SLC26A3: variants seen among roughly 807,000 people sequenced by gnomAD.
SLC26A3 encodes solute carrier family 26 member 3, also known as chloride anion exchanger.
A neutral mutation model predicts 85.6 loss-of-function variants in SLC26A3; 64 were observed. That is an observed-to-expected ratio of 0.75 (90% CI 0.61 to 0.92). SLC26A3 has a LOEUF of 0.92. SLC26A3 is among the 40% of genes least tolerant of loss of function. SLC26A3 has a pLI of 0.00. For missense variants in SLC26A3, 922 were observed against 927.3 expected, an observed-to-expected ratio of 0.99 and a Z score of 0.07; for synonymous variants, 349 against 336.0, an observed-to-expected ratio of 1.04 and a Z score of -0.42.
intron 5 of SLC26A3, among the ~76,000 whole-genome samples, chr7:107,789,942 A>G (rs925413643): frequency 6.6e-6 from 1 of 152,132 alleles, no homozygotes; most frequent in African/African-American, 2.4e-5. Context: ...TTTGCCCCCA[A>G]GAAGTAACAG....
chr7:107,765,878 C>G lies in SLC26A3; in HGVS notation c.2272G>C (p.Val758Leu). The G allele has an allele frequency of 2.5e-6, 4 of 1,610,528 alleles. No homozygotes were observed. Among genetic ancestry groups the G allele is most frequent in the African/African-American group, 1.3e-5 (1 of 74,832 alleles). The change falls in exon 21 of 21, where the codon GTG (valine) becomes CTG (leucine). Residue 758 changes from valine (V) to leucine (L), a missense_variant and splice_region_variant. Val to Leu is a conservative substitution (Grantham distance 32). Coordinates refer to ENST00000340010, the MANE Select transcript of SLC26A3 (RefSeq NM_000111.3). ...NGGLRNRVYE[V>L]PVETKF The stretch of plus-strand genomic sequence containing the variant: ...GATTAGAATTTTGTTTCAACTGGCA[C>G]CTGGAAGAAGACAGAAAGTTCTTGT...
rs150361087 is a variant in SLC26A3, at chr7:107,787,230, A to C, written c.888+127T>G. 542 of 940,054 alleles carry C rather than the reference A, an allele frequency of 5.8e-4. 3 individuals carry two copies. The African/African-American group carries it at 8.0e-3, about 14-fold the overall frequency. 58.2% of individuals were successfully genotyped at this position (940,054 alleles called of 1,614,324 possible). On this transcript the variant is annotated intron_variant, in intron 7 of 20. Coordinates refer to ENST00000340010, the MANE Select transcript of SLC26A3 (RefSeq NM_000111.3). ...CTGAATGAAAATAAAACCATGCTAA[A>C]CATTATGCCCGAAAACTGCAGAGAT...
chr7:107,767,044 G>C (rs1169235289), intron 20 of SLC26A3, among the ~76,000 whole-genome samples: 5 of 152,276 alleles, frequency 3.3e-5, no homozygotes, highest in Non-Finnish European at 1.5e-5. Context: ...TTAAAGGACT[G>C]AATGTTCTAG....
intron 1 of SLC26A3, among the ~76,000 whole-genome samples, chr7:107,802,742 C>CTTT (rs35087147): frequency 6.0e-4 from 66 of 110,750 alleles, no homozygotes; most frequent in African/African-American, 1.6e-3. Context: ...TTAAAGCTTG[C>CTTT]TTTTTTTTTT....
At chr7:107,787,891 C>G (rs1295024940) in intron 6 of SLC26A3, among the ~76,000 whole-genome samples, 1 of 152,218 alleles carries the variant, frequency 6.6e-6, no homozygotes, top group East Asian at 1.9e-4. Context: ...CAGGGAATAA[C>G]TTCTGATCTT....
Position 107,778,214 on chromosome 7 carries a change from A to C in SLC26A3, c.1475T>G (p.Val492Gly). The change falls in exon 13 of 21, where the codon GTG (valine) becomes GGG (glycine). Residue 492 changes from valine (V) to glycine (G), a missense_variant. Coordinates refer to ENST00000340010, the MANE Select transcript of SLC26A3 (RefSeq NM_000111.3). ...LGLGLGLAAS[V>G]AFQLLTIVFR... ...CACGATGGTTAGCAGTTGAAATGCCACACTAGCTGCCAGGCCTAACCCGAG... is the reference window on the plus strand; with the variant it reads ...CACGATGGTTAGCAGTTGAAATGCCCCACTAGCTGCCAGGCCTAACCCGAG... The C allele has an allele frequency of 6.2e-7, 1 of 1,613,968 alleles. No individual in the cohort carries two copies. The highest frequency in any genetic ancestry group is 8.5e-7 in the Non-Finnish European group (1 of 1,179,890).
chr7:107,802,918 A>C (rs971588365), intron 1 of SLC26A3, among the ~76,000 whole-genome samples, 193 bp downstream of exon 1: 29 of 152,276 alleles, frequency 1.9e-4, no homozygotes, highest in South Asian at 1.0e-3. Flanking sequence ...AAGTCTACTT[A>C]AATATTTATT....
chr7:107,771,854 A>G (rs145526852), intron 18 of SLC26A3, among the ~76,000 whole-genome samples, 200 bp downstream of exon 18: 43 of 152,364 alleles, frequency 2.8e-4, no homozygotes, highest in Non-Finnish European at 5.1e-4. Flanking sequence ...TTCAAATTGT[A>G]GAATGTATTT....
Position 107,765,636 on chromosome 7 carries a change from CT to C in SLC26A3, c.*218del. ...ATGTATGAACAAAATAATTTTCACC[CT>C]TTGATAAAGCTACAAGATATAAAAT... On this transcript the variant is annotated 3_prime_UTR_variant, in exon 21 of 21. Coordinates refer to ENST00000340010, the MANE Select transcript of SLC26A3 (RefSeq NM_000111.3). 1 of 500,532 alleles carries C rather than the reference CT, an allele frequency of 2.0e-6. No individual in the cohort carries two copies. Among genetic ancestry groups the C allele is most frequent in the Non-Finnish European group, 3.5e-6 (1 of 281,872 alleles). 31.0% of individuals were successfully genotyped at this position (500,532 alleles called of 1,614,324 possible).
intron 18 of SLC26A3, among the ~76,000 whole-genome samples, chr7:107,769,407 A>T (rs1467283863): frequency 4.0e-5 from 6 of 148,544 alleles, no homozygotes; most frequent in Admixed American, 6.6e-5. Context: ...TAAAAAAATT[A>T]AAAAAAAACA....
At chr7:107,794,812 G>T (rs758883199) in intron 1 of SLC26A3, among the ~76,000 whole-genome samples, 13 of 152,042 alleles carry the variant, frequency 8.6e-5, no homozygotes. Flanking sequence ...TTTTTAATTT[G>T]CCAAAAAGTA....
chr7:107,775,688 T>C (rs1794101006), intron 15 of SLC26A3, among the ~76,000 whole-genome samples: 1 of 151,742 alleles, frequency 6.6e-6, no homozygotes, highest in African/African-American at 2.4e-5. Context: ...GCTGTGATCA[T>C]GCCAGCCTGG....
At chr7:107,775,986 T>G in intron 15 of SLC26A3, 1 of 221,710 alleles carries the variant, frequency 4.5e-6, no homozygotes, top group Non-Finnish European at 9.0e-6. Flanking sequence ...CAAGACTGCT[T>G]CCTTGTCATC....
Position 107,779,750 on chromosome 7 carries a change from G to T in SLC26A3, c.1325C>A (p.Ala442Asp), listed in dbSNP as rs1401106853. 1 of 1,613,880 alleles carries T rather than the reference G, an allele frequency of 6.2e-7. No homozygotes were observed. Among genetic ancestry groups the T allele is most frequent in the Admixed American group, 1.7e-5 (1 of 60,016 alleles). ...TCCCTTTAAGTTTCCCAATGCTAAA[G>T]CTGCCAGGACGGACTGTGAAAAACA... ...LAPLQKSVLAALALGNLKGML... is the reference protein window; with the variant it reads ...LAPLQKSVLADLALGNLKGML... Residue 442 changes from alanine (A) to aspartate (D), a missense_variant, in exon 12 of 21, where the codon GCT (alanine) becomes GAT (aspartate). Physicochemically the swap from Ala to Asp is moderately radical, Grantham distance 126 (BLOSUM62 -2). Coordinates refer to ENST00000340010, the MANE Select transcript of SLC26A3 (RefSeq NM_000111.3).
chr7:107,776,392 T>G, intron 15 of SLC26A3, 60 bp downstream of exon 15: 1 of 1,324,290 alleles, frequency 7.6e-7, no homozygotes, highest in Non-Finnish European at 1.1e-6. Context: ...TACAGAACAA[T>G]GACATTCCCA....
At chr7:107,789,728 A>G (rs1253961610) in intron 5 of SLC26A3, 40 bp from the exon 6 acceptor site, 3 of 1,589,312 alleles carry the variant, frequency 1.9e-6, no homozygotes, top group Admixed American at 3.5e-5. Flanking sequence ...ATAGATTAGG[A>G]GTATACCTCA....
rs760981333 is a variant in SLC26A3, at chr7:107,793,909, T to A, written c.132-28A>T. On this transcript the variant is annotated intron_variant, in intron 2 of 20. Coordinates refer to ENST00000340010, the MANE Select transcript of SLC26A3 (RefSeq NM_000111.3). The stretch of plus-strand genomic sequence containing the variant: ...GAAAACATGGAAAGCCACAGGTCAG[T>A]CAATTAATATCAAATTTTAAGTTTA... The A allele has an allele frequency of 1.2e-5, 19 of 1,613,778 alleles. No individual in the cohort carries two copies. The African/African-American group carries it at 2.3e-4, about 19-fold the overall frequency.
intron 1 of SLC26A3, among the ~76,000 whole-genome samples, chr7:107,802,288 T>C (rs887144598): frequency 2.0e-5 from 3 of 152,130 alleles, no homozygotes; most frequent in Non-Finnish European, 2.9e-5. Context: ...TTTATCTTGA[T>C]AGAGTTAGTA....
intron 12 of SLC26A3, among the ~76,000 whole-genome samples, chr7:107,778,547 A>G (rs754178700): frequency 2.0e-5 from 3 of 152,070 alleles, no homozygotes; most frequent in Admixed American, 1.3e-4. Flanking sequence ...ACACACAAAT[A>G]TAAGAGGATT....
Sources: gnomAD v4.1 joint callset for allele counts (sites outside exome capture counted in the v4.1 genomes callset) on GRCh38, gnomAD v4.1.1 for gene constraint, MANE v1.5 for transcripts, NCBI Gene and HGNC (gene_info 2026-07-23, HGNC 2026-07-21) for gene names.